Variants in PTPRG observed in about 807,000 individuals in gnomAD.
PTPRG encodes the protein protein tyrosine phosphatase receptor type G.
Under a neutral mutation model 165.3 loss-of-function variants are expected in PTPRG, and 102 were observed. The ratio of observed to expected loss-of-function variants is 0.62; its 90% CI spans 0.53 to 0.73. The LOEUF (loss-of-function observed/expected upper bound fraction) is 0.73, where lower values mean the gene tolerates loss of function less well. PTPRG is among the 30% of genes least tolerant of loss of function. The probability of loss-of-function intolerance (pLI) is 0.00; values close to 1 mark genes in which losing one functional copy is unlikely to be tolerated. For synonymous variants in PTPRG, 675 were observed against 669.5 expected, an observed-to-expected ratio of 1.01 and a Z score of -0.13; for missense variants, 1,866 against 1,861.4, an observed-to-expected ratio of 1.00 and a Z score of -0.05.
chr3:62,153,574 A>T (rs1225245480), intron 6 of PTPRG, among the ~76,000 whole-genome samples: 1 of 152,234 alleles, frequency 6.6e-6, no homozygotes, highest in South Asian at 2.1e-4. Flanking sequence ...AAAAACAAAA[A>T]GACATGCACA....
chr3:62,016,394 C>T (rs2041544902), intron 4 of PTPRG, among the ~76,000 whole-genome samples: 1 of 152,114 alleles, frequency 6.6e-6, no homozygotes, highest in African/African-American at 2.4e-5. Context: ...TCTCGAACTC[C>T]TGACCTCGTG....
At chr3:61,795,294 T>G (rs772927005) in intron 2 of PTPRG, among the ~76,000 whole-genome samples, 2 of 152,028 alleles carry the variant, frequency 1.3e-5, no homozygotes, top group African/African-American at 4.8e-5. Context: ...CACAGGCTGG[T>G]GAAGGTCAAG....
intron 28 of PTPRG, among the ~76,000 whole-genome samples, chr3:62,284,973 T>C (rs537332490): frequency 1.3e-5 from 2 of 152,216 alleles, no homozygotes; most frequent in East Asian, 3.9e-4. Flanking sequence ...CAATACACAG[T>C]TCAAAAGTCA....
chr3:61,587,021 G>T (rs1312689050), intron 1 of PTPRG, among the ~76,000 whole-genome samples: 1 of 152,158 alleles, frequency 6.6e-6, no homozygotes, highest in African/African-American at 2.4e-5. Context: ...CTGTTACGGG[G>T]GATGGGGGTA....
At chr3:61,618,319 T>A (rs1701356257) in intron 1 of PTPRG, among the ~76,000 whole-genome samples, 2 of 152,116 alleles carry the variant, frequency 1.3e-5, no homozygotes, top group South Asian at 4.2e-4. Flanking sequence ...AACTGGTAAA[T>A]TAGTTAAGTC....
intron 1 of PTPRG, among the ~76,000 whole-genome samples, chr3:61,600,510 TTGA>T (rs1278534906): frequency 1.3e-5 from 2 of 152,108 alleles, no homozygotes; most frequent in Non-Finnish European, 2.9e-5. Flanking sequence ...TTACTAAAGT[TTGA>T]TGATGATGTG....
At chr3:61,868,762 A>G (rs1360122087) in intron 2 of PTPRG, among the ~76,000 whole-genome samples, 1 of 152,260 alleles carries the variant, frequency 6.6e-6, no homozygotes, top group Non-Finnish European at 1.5e-5. Context: ...ACAGTTCTCA[A>G]GGTTTCTAAG....
At chr3:62,008,627 C>T (rs2041349069) in intron 4 of PTPRG, among the ~76,000 whole-genome samples, 1 of 152,202 alleles carries the variant, frequency 6.6e-6, no homozygotes, top group Non-Finnish European at 1.5e-5. Flanking sequence ...GCCCAGCGGT[C>T]CCCAACCTTT....
chr3:61,758,698 C>A (rs1233685953), intron 2 of PTPRG, among the ~76,000 whole-genome samples: 1 of 151,994 alleles, frequency 6.6e-6, no homozygotes, highest in Non-Finnish European at 1.5e-5. Context: ...GGTGATCCGC[C>A]CACCTCAGCC....
intron 1 of PTPRG, among the ~76,000 whole-genome samples, chr3:61,572,832 C>T (rs1700087864): frequency 2.0e-5 from 3 of 152,208 alleles, no homozygotes; most frequent in Non-Finnish European, 2.9e-5. Flanking sequence ...TGGTTATTTA[C>T]AATACTCAGC....
At chr3:61,742,532 A>G (rs945117199) in intron 1 of PTPRG, 105 of 1,596,734 alleles carry the variant, frequency 6.6e-5, no homozygotes, top group Non-Finnish European at 8.5e-5. Context: ...TTCTTGAGCA[A>G]TGACACCAAG....
rs373666292 is a variant in PTPRG at position 61,943,133 on chromosome 3, C to T, written c.191-46492C>T. 2.0e-5 allele frequency among the ~76,000 whole-genome samples: 3 copies of T among 152,094 alleles called. No homozygotes were observed. In the East Asian group the frequency reaches 5.8e-4, roughly 29 times the overall value. ...TTTTTCCTGATGTTCAGGTACCAAA[C>T]ACAGAAAAATCCTTACGTGAAAAAC... On this transcript the variant is annotated intron_variant, in intron 2 of 29. Coordinates refer to ENST00000474889, the MANE Select transcript of PTPRG (RefSeq NM_002841.4).
intron 14 of PTPRG, among the ~76,000 whole-genome samples, chr3:62,242,272 TG>T (rs1455046250): frequency 7.2e-5 from 11 of 152,344 alleles, no homozygotes; most frequent in African/African-American, 2.6e-4. Context: ...CAAAGAGTGA[TG>T]AAAACTTGTT....
chr3:61,876,505 T>A (rs1169404451), intron 2 of PTPRG, among the ~76,000 whole-genome samples: 1 of 152,232 alleles, frequency 6.6e-6, no homozygotes, highest in Non-Finnish European at 1.5e-5. Context: ...AGGGATATAT[T>A]CTTTGTACTG....
intron 1 of PTPRG, among the ~76,000 whole-genome samples, chr3:61,688,753 G>C (rs2029950001): frequency 6.6e-6 from 1 of 152,212 alleles, no homozygotes; most frequent in Admixed American, 6.5e-5. Context: ...TCCTTTGCCT[G>C]TTTCTGGGTC....
chr3:62,115,607 T>A (rs1051782692), intron 5 of PTPRG, among the ~76,000 whole-genome samples: 9 of 152,130 alleles, frequency 5.9e-5, no homozygotes, highest in African/African-American at 2.2e-4. Flanking sequence ...TATAACTGTG[T>A]CAGGCACCAT....
chr3:62,023,555 A>C (rs183684378), intron 4 of PTPRG, among the ~76,000 whole-genome samples: 3 of 152,240 alleles, frequency 2.0e-5, no homozygotes, highest in African/African-American at 7.2e-5. Flanking sequence ...TTGAGTATGC[A>C]TTACTTTCCT....
intron 5 of PTPRG, among the ~76,000 whole-genome samples, chr3:62,108,821 C>T (rs1438747454): frequency 6.6e-6 from 1 of 152,106 alleles, no homozygotes; most frequent in East Asian, 1.9e-4. Flanking sequence ...TTCCATGTGT[C>T]TGTTGGCTGC....
chr3:62,263,117 T>A (rs1701750618), intron 17 of PTPRG: 1 of 440,992 alleles, frequency 2.3e-6, no homozygotes, highest in Admixed American at 4.2e-5. Context: ...ATAAGGTGAC[T>A]GAAAGAAAAT....
Sources: allele counts gnomAD v4.1 joint callset (sites outside exome capture counted in the v4.1 genomes callset), GRCh38; gene constraint gnomAD v4.1.1; transcripts MANE v1.5; gene names NCBI Gene and HGNC (gene_info 2026-07-23, HGNC 2026-07-21).